SDK1: variants seen among roughly 807,000 people sequenced by gnomAD.
SDK1 encodes the protein sidekick cell adhesion molecule 1.
A neutral mutation model predicts 245.5 loss-of-function variants in SDK1; 157 were observed. The observed-to-expected ratio is 0.64, with a 90% CI of 0.56 to 0.73. The LOEUF (loss-of-function observed/expected upper bound fraction) is 0.73. Ranked by LOEUF, SDK1 falls within the 30% of genes least tolerant of loss-of-function variation. The pLI is 0.00. For missense variants in SDK1, 3,583 were observed against 3,002.3 expected (o/e 1.19, Z -4.52); for synonymous variants, 1,647 against 1,278.5 (o/e 1.29, Z -6.15).
intron 1 of SDK1, among the ~76,000 whole-genome samples, chr7:3,542,453 C>T (rs545940937): frequency 1.6e-4 from 25 of 152,190 alleles, no homozygotes; most frequent in African/African-American, 5.3e-4. Context: ...CTGGGCCTTT[C>T]CTCTTTCAGA....
At chr7:3,742,188 C>G (rs912082251) in intron 4 of SDK1, among the ~76,000 whole-genome samples, 1 of 151,024 alleles carries the variant, frequency 6.6e-6, no homozygotes, top group African/African-American at 2.4e-5. Flanking sequence ...CTTTCCTCCC[C>G]AATGTTTTCC....
intron 1 of SDK1, among the ~76,000 whole-genome samples, chr7:3,610,255 A>G (rs1562599982): frequency 6.6e-6 from 1 of 152,252 alleles, no homozygotes; most frequent in Non-Finnish European, 1.5e-5. Context: ...GCAAACAGAT[A>G]AGCAGGAGAA....
chr7:3,654,151 C>T (rs1181939458), intron 4 of SDK1, among the ~76,000 whole-genome samples: 1 of 152,132 alleles, frequency 6.6e-6, no homozygotes, highest in African/African-American at 2.4e-5. Context: ...CCCTGTGCCC[C>T]ACCGTGCTTC....
intron 14 of SDK1, among the ~76,000 whole-genome samples, chr7:4,005,039 CTTTTTTTTT>C (rs1162979240): frequency 3.3e-5 from 3 of 91,002 alleles, no homozygotes; most frequent in African/African-American, 4.6e-5. Flanking sequence ...GTTCCTGCAC[CTTTTTTTTT>C]TTTTTTTTTT....
chr7:3,886,343 C>T (rs934360571), intron 5 of SDK1, among the ~76,000 whole-genome samples: 15 of 152,198 alleles, frequency 9.9e-5, no homozygotes, highest in African/African-American at 3.4e-4. Flanking sequence ...CATAGGAAGT[C>T]GGCCAGCATG....
intron 1 of SDK1, among the ~76,000 whole-genome samples, chr7:3,467,375 G>C (rs1453094876): frequency 6.6e-6 from 1 of 151,910 alleles, no homozygotes; most frequent in Non-Finnish European, 1.5e-5. Context: ...TTAAAGAATT[G>C]TTGCCCACTG....
chr7:3,688,264 A>C (rs7778346), intron 4 of SDK1, among the ~76,000 whole-genome samples: 14,906 of 152,252 alleles, frequency 0.098, 1,141 homozygotes, highest in East Asian at 0.41. Context: ...TGAAGTGTAG[A>C]TCCAGGAGGC....
intron 1 of SDK1, among the ~76,000 whole-genome samples, chr7:3,469,339 G>C (rs935449954): frequency 5.9e-5 from 9 of 152,282 alleles, no homozygotes; most frequent in African/African-American, 1.9e-4. Flanking sequence ...GCTGAGGCAG[G>C]AGGATTGCTT....
intron 14 of SDK1, among the ~76,000 whole-genome samples, chr7:3,993,688 TC>T (rs751873214): frequency 4.9e-4 from 75 of 152,314 alleles, no homozygotes; most frequent in Admixed American, 7.2e-4. Context: ...TGGTCCCTCC[TC>T]CAGCCCTTCC....
intron 1 of SDK1, among the ~76,000 whole-genome samples, chr7:3,482,528 A>G (rs1248040800): frequency 6.6e-6 from 1 of 152,234 alleles, no homozygotes; most frequent in Admixed American, 6.5e-5. Context: ...TCTGCGCAGA[A>G]GAGAGAAGGA....
Position 3,480,978 on chromosome 7 carries a change from T to A in SDK1, c.299-138102T>A, listed in dbSNP as rs115403567. On this transcript the variant is annotated intron_variant, in intron 1 of 44. Coordinates refer to ENST00000404826, the MANE Select transcript of SDK1 (RefSeq NM_152744.4). ...TTTTAAGTGTGTCTCTGGTAAGCAT[T>A]ATGTATGTGCATTATGTATATAGAT... Among the ~76,000 whole-genome samples, 760 of 152,350 alleles carry A rather than the reference T, an allele frequency of 5.0e-3. 7 individuals are homozygous for A. The highest frequency in any genetic ancestry group is 0.017 in the African/African-American group (719 of 41,588).
At chr7:4,225,977 C>T (rs1162098630) in intron 40 of SDK1, among the ~76,000 whole-genome samples, 2 of 152,144 alleles carry the variant, frequency 1.3e-5, no homozygotes, top group African/African-American at 2.4e-5. Context: ...GAAGTTGAGA[C>T]GCCCCCTCCC....
chr7:3,875,009 C>G (rs1173841771), intron 5 of SDK1, among the ~76,000 whole-genome samples: 2 of 152,120 alleles, frequency 1.3e-5, no homozygotes, highest in Non-Finnish European at 2.9e-5. Flanking sequence ...GGCTCTTAAC[C>G]CCTTTATGTC....
chr7:4,150,518 A>T (rs2128208412), intron 30 of SDK1, among the ~76,000 whole-genome samples: 1 of 152,332 alleles, frequency 6.6e-6, no homozygotes, highest in East Asian at 1.9e-4. Context: ...ATCCCACTCT[A>T]CAGAGGAAGG....
rs116347638 is a variant in SDK1, at chr7:3,871,606, T to C, written c.847+50023T>C. Reference sequence around the variant, plus strand: ...AAGACCTCAGGCTGCTTCCATTCATTGTGGAAAGTAAAGGAGAGCCTGTGT... The same window carrying C: ...AAGACCTCAGGCTGCTTCCATTCATCGTGGAAAGTAAAGGAGAGCCTGTGT... On this transcript the variant is annotated intron_variant, in intron 5 of 44. Transcript: ENST00000404826. Among the ~76,000 whole-genome samples, 1,193 of 152,296 alleles carry C rather than the reference T, an allele frequency of 7.8e-3. 16 individuals carry two copies. The highest frequency in any genetic ancestry group is 0.027 in the African/African-American group (1,117 of 41,546).
intron 1 of SDK1, among the ~76,000 whole-genome samples, chr7:3,538,958 C>A (rs1006070801): frequency 2.0e-5 from 3 of 152,310 alleles, no homozygotes; most frequent in Non-Finnish European, 4.4e-5. Context: ...TTTTCTTGTT[C>A]CTGTCCCATC....
intron 1 of SDK1, among the ~76,000 whole-genome samples, chr7:3,577,285 C>G (rs186107398): frequency 7.2e-5 from 11 of 152,188 alleles, no homozygotes; most frequent in African/African-American, 2.4e-4. Flanking sequence ...TAGCAGCGCT[C>G]TGAGATTGGT....
chr7:3,722,504 G>A (rs1382608628), intron 4 of SDK1, among the ~76,000 whole-genome samples: 1 of 152,150 alleles, frequency 6.6e-6, no homozygotes, highest in Non-Finnish European at 1.5e-5. Flanking sequence ...GCAGGCAGGA[G>A]CCATTTGCCT....
intron 4 of SDK1, among the ~76,000 whole-genome samples, chr7:3,675,960 G>T (rs965002634): frequency 1.3e-5 from 2 of 152,110 alleles, no homozygotes; most frequent in African/African-American, 4.8e-5. Flanking sequence ...TGAATGCATA[G>T]TTCCTGAATA....
Sources: gnomAD v4.1 joint callset for allele counts (sites outside exome capture counted in the v4.1 genomes callset) on GRCh38, gnomAD v4.1.1 for gene constraint, MANE v1.5 for transcripts, NCBI Gene and HGNC (gene_info 2026-07-23, HGNC 2026-07-21) for gene names.